The following FTO variants were observed in gnomAD, a reference collection of about 807,000 sequenced individuals.
FTO encodes FTO alpha-ketoglutarate dependent dioxygenase.
In FTO, 47 loss-of-function variants were observed where a neutral mutation model predicts 63.9. That is an observed-to-expected ratio of 0.74 (90% CI 0.58 to 0.94). The LOEUF (loss-of-function observed/expected upper bound fraction) is 0.94. FTO is among the 40% of genes least tolerant of loss of function. The probability of loss-of-function intolerance (pLI) is 0.00; values close to 1 mark genes in which losing one functional copy is unlikely to be tolerated. For synonymous variants in FTO, 207 were observed against 224.4 expected, an observed-to-expected ratio of 0.92 and a Z score of 0.69; for missense variants, 562 against 618.1, an observed-to-expected ratio of 0.91 and a Z score of 0.96.
intron 8 of FTO, among the ~76,000 whole-genome samples, chr16:54,068,568 G>C (rs766841521): frequency 1.3e-5 from 2 of 152,096 alleles, no homozygotes; most frequent in East Asian, 3.9e-4. Context: ...ATTTTGCAAA[G>C]GTTTACGATC....
At chr16:53,707,943 A>G (rs2075668065) in intron 1 of FTO, among the ~76,000 whole-genome samples, 1 of 152,234 alleles carries the variant, frequency 6.6e-6, no homozygotes, top group South Asian at 2.1e-4. Flanking sequence ...CCTTTTCTGG[A>G]CATTTTTATA....
chr16:53,822,518 A>C (rs542436995), intron 2 of FTO, among the ~76,000 whole-genome samples: 1 of 152,218 alleles, frequency 6.6e-6, no homozygotes, highest in East Asian at 1.9e-4. Flanking sequence ...GGACAGTTTC[A>C]AGCCACCGTC....
At chr16:53,895,203 A>G (rs2081248488) in intron 7 of FTO, among the ~76,000 whole-genome samples, 1 of 140,178 alleles carries the variant, frequency 7.1e-6, no homozygotes, top group African/African-American at 2.6e-5. Flanking sequence ...ATTTCTTATA[A>G]GTTTTTATTC....
At chr16:53,876,284 G>A (rs1432442701) in intron 5 of FTO, among the ~76,000 whole-genome samples, 1 of 151,998 alleles carries the variant, frequency 6.6e-6, no homozygotes, top group Non-Finnish European at 1.5e-5. Context: ...AAATATAAAT[G>A]GTAGCCTACT....
intron 1 of FTO, among the ~76,000 whole-genome samples, chr16:53,767,343 A>G (rs1025454288): frequency 6.6e-6 from 1 of 152,192 alleles, no homozygotes; most frequent in Non-Finnish European, 1.5e-5. Context: ...TATTAGTAGC[A>G]GTAGATTTCA....
chr16:53,964,631 A>G (rs2083157447), intron 8 of FTO, among the ~76,000 whole-genome samples: 2 of 152,210 alleles, frequency 1.3e-5, no homozygotes, highest in Non-Finnish European at 2.9e-5. Flanking sequence ...TTCAAATTGC[A>G]GTGAATTTAT....
At chr16:53,832,569 C>T (rs1051218337) in intron 3 of FTO, among the ~76,000 whole-genome samples, 4 of 152,042 alleles carry the variant, frequency 2.6e-5, no homozygotes, top group Non-Finnish European at 5.9e-5. Flanking sequence ...GATTTGTTTT[C>T]TGTCACTAGA....
chr16:53,931,363 A>G (rs1396418769), intron 7 of FTO, among the ~76,000 whole-genome samples: 1 of 142,372 alleles, frequency 7.0e-6, no homozygotes, highest in Admixed American at 7.4e-5. Context: ...TTGGAGTGCA[A>G]TGGCGCGATC....
intron 1 of FTO, among the ~76,000 whole-genome samples, chr16:53,723,883 C>T (rs1426328500): frequency 1.3e-5 from 2 of 152,206 alleles, no homozygotes; most frequent in African/African-American, 4.8e-5. Context: ...CTCACCTCCA[C>T]TGATCTGTGG....
intron 1 of FTO, among the ~76,000 whole-genome samples, chr16:53,708,378 G>A (rs1325989433): frequency 3.9e-4 from 59 of 151,340 alleles, no homozygotes; most frequent in Non-Finnish European, 1.5e-5. Context: ...AAAAAAAAAA[G>A]AATTCCAGTG....
chr16:53,994,179 T>G (rs1315122752), intron 8 of FTO: 1 of 152,208 alleles, frequency 6.6e-6, no homozygotes, highest in East Asian at 1.9e-4. Context: ...TACATGCGTT[T>G]CAGCCTCCTC....
At chr16:53,892,898 G>A (rs1734592052) in intron 7 of FTO, among the ~76,000 whole-genome samples, 1 of 152,100 alleles carries the variant, frequency 6.6e-6, no homozygotes, top group Non-Finnish European at 1.5e-5. Context: ...TTCCATTAAT[G>A]GTAATTGCTT....
At chr16:53,715,039 T>A (rs2075862135) in intron 1 of FTO, among the ~76,000 whole-genome samples, 1 of 152,184 alleles carries the variant, frequency 6.6e-6, no homozygotes, top group African/African-American at 2.4e-5. Flanking sequence ...AAGATACTAA[T>A]CCTCTGTAAA....
At chr16:54,071,962 GACAAGGTATCC>G (rs1188859166) in intron 8 of FTO, 1 of 152,180 alleles carries the variant, frequency 6.6e-6, no homozygotes, top group Non-Finnish European at 1.5e-5. Flanking sequence ...AGGAAGGCCG[GACAAGGTATCC>G]ACATCTATTT....
rs181041817 is a variant in FTO, at chr16:53,739,046, C to G, written c.45+34817C>G. Among the ~76,000 whole-genome samples, 337 of 152,210 alleles carry G rather than the reference C, an allele frequency of 2.2e-3. 4 individuals carry two copies. The highest frequency in any genetic ancestry group is 8.5e-3 in the South Asian group (41 of 4,812). ...CCCCATATGTTGCCCAAACTGGTCT[C>G]AAACTCCTGGGCTCAAGTGATCCTC... On this transcript the variant is annotated intron_variant, in intron 1 of 8. Coordinates refer to ENST00000471389, the MANE Select transcript of FTO (RefSeq NM_001080432.3).
chr16:54,090,139 A>G (rs1417389861), intron 8 of FTO, among the ~76,000 whole-genome samples: 2 of 152,264 alleles, frequency 1.3e-5, no homozygotes, highest in Non-Finnish European at 2.9e-5. Flanking sequence ...CCACATATCC[A>G]TCAACAGAGG....
At chr16:53,994,627 C>A (rs778460713) in intron 8 of FTO, among the ~76,000 whole-genome samples, 6 of 151,780 alleles carry the variant, frequency 4.0e-5, no homozygotes, top group African/African-American at 1.5e-4. Context: ...CCTCCCAAAG[C>A]GCTGGGATGA....
At chr16:53,867,490 CATATGT>C (rs1050963945) in intron 4 of FTO, among the ~76,000 whole-genome samples, 3 of 136,542 alleles carry the variant, frequency 2.2e-5, no homozygotes, top group African/African-American at 8.8e-5. Flanking sequence ...ATGTACGCCA[CATATGT>C]GTGTGTGTGT....
chr16:53,810,289 C>A, intron 2 of FTO, 72 bp downstream of exon 2: 1 of 1,112,476 alleles, frequency 9.0e-7, no homozygotes, highest in Non-Finnish European at 1.4e-6. Context: ...TATGAGGAAG[C>A]TGGGCTAGAG....
Sources: gnomAD v4.1 joint callset for allele counts (sites outside exome capture counted in the v4.1 genomes callset) on GRCh38, gnomAD v4.1.1 for gene constraint, MANE v1.5 for transcripts, NCBI Gene and HGNC (gene_info 2026-07-23, HGNC 2026-07-21) for gene names.